The following KMT2C variants were observed in gnomAD, a reference collection of about 807,000 sequenced individuals.
KMT2C encodes histone-lysine N-methyltransferase 2C.
A neutral mutation model predicts 507.9 loss-of-function variants in KMT2C; 88 were observed. That is an observed-to-expected ratio of 0.17 (90% CI 0.15 to 0.21). KMT2C has a LOEUF of 0.21. Among genes scored for constraint, KMT2C ranks in the 10% least tolerant of loss-of-function variants. The probability of loss-of-function intolerance (pLI) is 1.00; values close to 1 mark genes in which losing one functional copy is unlikely to be tolerated. For missense variants in KMT2C, 4,954 were observed against 5,957.8 expected, an observed-to-expected ratio of 0.83 and a Z score of 5.55; for synonymous variants, 2,049 against 2,080.8, an observed-to-expected ratio of 0.98 and a Z score of 0.42.
At chr7:152,420,728 G>A (rs539589922) in intron 1 of KMT2C, among the ~76,000 whole-genome samples, 14 of 151,866 alleles carry the variant, frequency 9.2e-5, no homozygotes, top group Middle Eastern at 3.2e-3. Context: ...CCAGCTACTC[G>A]GGAAGCTGAG....
intron 40 of KMT2C, 122 bp from the exon 41 acceptor site, chr7:152,169,371 T>C (rs1023546735): frequency 6.2e-6 from 4 of 640,734 alleles, no homozygotes; most frequent in South Asian, 5.8e-5. Context: ...TCCTAAGATA[T>C]CTTTTAAAGG....
intron 1 of KMT2C, among the ~76,000 whole-genome samples, chr7:152,390,820 T>TGACCCAA (rs1466147818): frequency 1.3e-4 from 20 of 152,224 alleles, no homozygotes; most frequent in Non-Finnish European, 2.8e-4. Flanking sequence ...GATAGAGCCA[T>TGACCCAA]GACCCAAGAA....
chr7:152,305,705 C>T (rs1253476401), intron 6 of KMT2C, among the ~76,000 whole-genome samples: 1 of 152,078 alleles, frequency 6.6e-6, no homozygotes, highest in Non-Finnish European at 1.5e-5. Flanking sequence ...TTTGTGGTTG[C>T]TAAAATTGGT....
chr7:152,172,593 G>C (rs1465980628), intron 39 of KMT2C, among the ~76,000 whole-genome samples: 5 of 152,176 alleles, frequency 3.3e-5, no homozygotes, highest in Non-Finnish European at 5.9e-5. Flanking sequence ...CTACTCCAGA[G>C]GCTGATGCAG....
At chr7:152,368,798 T>G (rs980974784) in intron 1 of KMT2C, 5 of 668,054 alleles carry the variant, frequency 7.5e-6, no homozygotes, top group Admixed American at 2.9e-5. Flanking sequence ...AAATTATTTT[T>G]TCTTGTTTTT....
Position 152,180,942 on chromosome 7 carries a change from T to C in KMT2C, c.6918A>G (p.Pro2306=). 1 of 1,614,174 alleles carries C rather than the reference T, an allele frequency of 6.2e-7. No individual in the cohort carries two copies. The highest frequency in any genetic ancestry group is 2.2e-5 in the East Asian group (1 of 44,876). Residue 2306 remains proline, a synonymous_variant, in exon 36 of 59, where the codon CCA becomes CCG. Transcript: ENST00000262189. ...RDPYDQSPMT[P]RSQSDSFGTS... ...TTCCAAAAGAGTCAGACTGAGATCT[T>C]GGAGTCATTGGAGACTGATCATAGG... is the stretch of plus-strand genomic sequence containing the variant.
At chr7:152,420,479 A>T (rs552379931) in intron 1 of KMT2C, among the ~76,000 whole-genome samples, 2 of 152,304 alleles carry the variant, frequency 1.3e-5, no homozygotes, top group African/African-American at 4.8e-5. Flanking sequence ...ACAGCAAAAG[A>T]GATTATCAAC....
intron 1 of KMT2C, among the ~76,000 whole-genome samples, chr7:152,395,865 T>C (rs2097535332): frequency 2.0e-5 from 3 of 152,258 alleles, no homozygotes; most frequent in South Asian, 4.1e-4. Context: ...TCCCCACACT[T>C]TGAGTGCTAG....
intron 6 of KMT2C, among the ~76,000 whole-genome samples, chr7:152,289,935 T>G (rs1018268287): frequency 6.6e-6 from 1 of 151,918 alleles, no homozygotes; most frequent in Admixed American, 6.6e-5. Context: ...TAGTCCCAGC[T>G]ACTCAGGAGG....
intron 12 of KMT2C, 63 bp downstream of exon 12, chr7:152,250,790 C>G: frequency 3.4e-6 from 3 of 875,838 alleles, no homozygotes; most frequent in South Asian, 3.0e-5. Flanking sequence ...AGTCAATATT[C>G]ACATATTTAT....
intron 2 of KMT2C, among the ~76,000 whole-genome samples, chr7:152,345,563 C>T (rs776134459): frequency 1.3e-4 from 20 of 152,150 alleles, no homozygotes; most frequent in Non-Finnish European, 2.1e-4. Context: ...CTTGCTCTGT[C>T]GCCCAGGCTG....
At chr7:152,165,781 C>T (rs1229792383) in intron 42 of KMT2C, among the ~76,000 whole-genome samples, 11 of 152,052 alleles carry the variant, frequency 7.2e-5, no homozygotes, top group Admixed American at 2.0e-4. Context: ...CTCCACCTCC[C>T]GGATTCAAGC....
At chr7:152,202,710 C>A (rs558068177) in intron 26 of KMT2C, among the ~76,000 whole-genome samples, 1 of 152,106 alleles carries the variant, frequency 6.6e-6, no homozygotes, top group East Asian at 1.9e-4. Flanking sequence ...TAGAAGTGAA[C>A]AACTGGTATT....
At position 152,136,643 on chromosome 7, in the gene KMT2C, TGCTTCTGTCA is replaced by T; in HGVS notation, c.*179_*188del. ...TTAACCTCGGCCACTTCAGGAACGC[TGCTTCTGTCA>T]GCTTCCTCCTGGCGCTGCTTTAACC... On this transcript the variant is annotated 3_prime_UTR_variant, in exon 59 of 59. Coordinates refer to ENST00000262189, the MANE Select transcript of KMT2C (RefSeq NM_170606.3). 1 of 584,946 alleles carries T rather than the reference TGCTTCTGTCA, an allele frequency of 1.7e-6. No homozygotes were observed. The highest frequency in any genetic ancestry group is 3.0e-6 in the Non-Finnish European group (1 of 328,014). The allele number at this position is 584,946 out of a possible 1,614,324, so 36.2% of individuals were successfully genotyped here.
At chr7:152,154,574 A>G in intron 46 of KMT2C, 129 bp from the exon 47 acceptor site, 1 of 691,404 alleles carries the variant, frequency 1.4e-6, no homozygotes, top group South Asian at 1.9e-5. Flanking sequence ...GATGAGCAGC[A>G]AATGAATCAG....
Position 152,176,846 on chromosome 7 carries a change from A to G in KMT2C, c.8607T>C (p.Ser2869=), listed in dbSNP as rs772256580. ...HSDLNDGEKT[S]LHPCDPDLFE... is the part of the protein sequence containing the mutation. ...ATAGATCTGGATCACAAGGATGCAA[A>G]GAAGTCTTTTCTCCATCATTTAGGT... The change falls in exon 38 of 59, where the codon TCT becomes TCC. Residue 2869 remains serine, a synonymous_variant. Transcript: ENST00000262189. The G allele has an allele frequency of 4.3e-6, 7 of 1,614,116 alleles. No homozygotes were observed. Among genetic ancestry groups the G allele is most frequent in the Non-Finnish European group, 5.9e-6 (7 of 1,180,048 alleles).
chr7:152,202,820 G>T, intron 26 of KMT2C, 114 bp downstream of exon 26: 1 of 902,876 alleles, frequency 1.1e-6, no homozygotes, highest in Non-Finnish European at 1.7e-6. Flanking sequence ...ATGACTAAAT[G>T]ACAACAAAAC....
intron 55 of KMT2C, among the ~76,000 whole-genome samples, chr7:152,142,559 G>A (rs1481657358): frequency 1.3e-5 from 2 of 152,186 alleles, no homozygotes; most frequent in African/African-American, 4.8e-5. Flanking sequence ...AAGTACACAC[G>A]CTTTTACACA....
At chr7:152,251,217 C>T (rs144685955) in intron 11 of KMT2C, among the ~76,000 whole-genome samples, 10 of 152,220 alleles carry the variant, frequency 6.6e-5, no homozygotes, top group African/African-American at 1.2e-4. Context: ...GAGGCCAAGA[C>T]GGAAGGAACG....
Sources: allele counts gnomAD v4.1 joint callset (sites outside exome capture counted in the v4.1 genomes callset), GRCh38; gene constraint gnomAD v4.1.1; transcripts MANE v1.5; gene names NCBI Gene and HGNC (gene_info 2026-07-23, HGNC 2026-07-21).